Variants in TP53INP1 observed in about 807,000 individuals in gnomAD.
TP53INP1 encodes the protein tumor protein p53-inducible nuclear protein 1.
In TP53INP1, 12 loss-of-function variants were observed where a neutral mutation model predicts 21.0. That is an observed-to-expected ratio of 0.57 (90% CI 0.37 to 0.93). TP53INP1 has a LOEUF of 0.93. TP53INP1 is among the 40% of genes least tolerant of loss of function. The pLI is 0.01. For synonymous variants in TP53INP1, 91 were observed against 94.8 expected (o/e 0.96, Z 0.23); for missense variants, 274 against 294.7 (o/e 0.93, Z 0.51).
At chr8:94,937,704 G>A (rs1006619147) in intron 3 of TP53INP1, among the ~76,000 whole-genome samples, 5 of 152,134 alleles carry the variant, frequency 3.3e-5, no homozygotes, top group Admixed American at 2.0e-4. Flanking sequence ...AGTACTGGAA[G>A]CAGGGATGGT....
At chr8:94,938,295 G>C (rs1212827512) in intron 3 of TP53INP1, among the ~76,000 whole-genome samples, 1 of 152,200 alleles carries the variant, frequency 6.6e-6, no homozygotes, top group Non-Finnish European at 1.5e-5. Flanking sequence ...TTCTGGTGTT[G>C]TGCCAGTATT....
Position 94,932,244 on chromosome 8 carries a change from G to T in TP53INP1, c.474-1516C>A. 3 of 859,284 alleles carry T rather than the reference G, an allele frequency of 3.5e-6. No homozygotes were observed. The South Asian group carries it at 4.7e-5, about 14-fold the overall frequency. 53.2% of individuals were successfully genotyped at this position (859,284 alleles called of 1,614,324 possible). A position where few individuals can be genotyped will look rare whatever the true frequency, so the allele number is the denominator to read the frequency against. On this transcript the variant is annotated intron_variant, in intron 3 of 3. Transcript: ENST00000342697. Reference sequence around the variant, plus strand: ...ATTAAAGGCACGTACATGTGCTTAAGATAACATGTAAAACCTTCAAAAACA... The same window carrying T: ...ATTAAAGGCACGTACATGTGCTTAATATAACATGTAAAACCTTCAAAAACA...
Position 94,927,475 on chromosome 8 carries a change from A to G in TP53INP1, c.*3004T>C, listed in dbSNP as rs1289471560. 6.6e-6 allele frequency: 1 copy of G among 152,226 alleles called. No individual in the cohort carries two copies. Among genetic ancestry groups the G allele is most frequent in the African/African-American group, 2.4e-5 (1 of 41,454 alleles). The allele number at this position is 152,226 out of a possible 1,614,324, so 9.4% of individuals were successfully genotyped here. On this transcript the variant is annotated 3_prime_UTR_variant, in exon 4 of 4. Transcript: ENST00000342697. ...AACAGTTTGCATGGGGATTGGAAAAATGTATAGGAAATTAATATTTCTTAA... is the reference window on the plus strand; with the variant it reads ...AACAGTTTGCATGGGGATTGGAAAAGTGTATAGGAAATTAATATTTCTTAA...
At chr8:94,943,434 C>T (rs1821728907) in intron 1 of TP53INP1, among the ~76,000 whole-genome samples, 1 of 152,160 alleles carries the variant, frequency 6.6e-6, no homozygotes, top group African/African-American at 2.4e-5. Context: ...ATGCAGTAAG[C>T]TATGATTGTG....
rs1477196907 is a variant in TP53INP1 at position 94,927,246 on chromosome 8, T to C, written c.*3233A>G. ...GATACTCTTCCTTGCTCGTTTTTCT[T>C]AAGAGTACATAAAGATAATATATAA... On this transcript the variant is annotated 3_prime_UTR_variant, in exon 4 of 4. Coordinates refer to ENST00000342697, the MANE Select transcript of TP53INP1 (RefSeq NM_033285.4). 1 of 152,616 alleles carries C rather than the reference T, an allele frequency of 6.6e-6. No homozygotes were observed. Among genetic ancestry groups the C allele is most frequent in the East Asian group, 1.9e-4 (1 of 5,208 alleles). The allele number at this position is 152,616 out of a possible 1,614,324, so 9.5% of individuals were successfully genotyped here.
intron 1 of TP53INP1, among the ~76,000 whole-genome samples, chr8:94,941,991 G>T (rs1335100577): frequency 6.6e-6 from 1 of 151,314 alleles, no homozygotes; most frequent in East Asian, 1.9e-4. Context: ...GGAAGCAGCA[G>T]CAGCTGGCAG....
intron 1 of TP53INP1, among the ~76,000 whole-genome samples, chr8:94,946,115 T>C (rs1821964418): frequency 6.6e-6 from 1 of 152,156 alleles, no homozygotes. Flanking sequence ...TGTTTTTTTT[T>C]TTCTTCTACA....
rs182690940 is a variant in TP53INP1 at position 94,933,710 on chromosome 8, A to G, written c.474-2982T>C. Among the ~76,000 whole-genome samples, 428 of 151,878 alleles carry G rather than the reference A, an allele frequency of 2.8e-3. 4 individuals are homozygous for G. The highest frequency in any genetic ancestry group is 0.01 in the African/African-American group (414 of 41,378). ...AATCTGGGAGGCAGAGGTTGCAGTGAGCTGAGATCGCGCCACTGCACTCCA... is the reference window on the plus strand; with the variant it reads ...AATCTGGGAGGCAGAGGTTGCAGTGGGCTGAGATCGCGCCACTGCACTCCA... On this transcript the variant is annotated intron_variant, in intron 3 of 3. Transcript: ENST00000342697.
In TP53INP1 at chr8:94,944,579, C is replaced by A. The variant is rs1360691335; in HGVS notation, c.-150-3488G>T. 2.0e-5 allele frequency among the ~76,000 whole-genome samples: 3 copies of A among 152,206 alleles called. No individual in the cohort carries two copies. The East Asian group carries it at 5.8e-4, about 29-fold the overall frequency. ...CCATATCTCTGCAAGGACAACCAACCTTGGGCGACAGAGTGCTCAGAAGCC... is the reference window on the plus strand; with the variant it reads ...CCATATCTCTGCAAGGACAACCAACATTGGGCGACAGAGTGCTCAGAAGCC... On this transcript the variant is annotated intron_variant, in intron 1 of 3. Coordinates refer to ENST00000342697, the MANE Select transcript of TP53INP1 (RefSeq NM_033285.4).
rs944619518 is a variant in TP53INP1 at position 94,930,376 on chromosome 8, T to C, written c.*103A>G. On this transcript the variant is annotated 3_prime_UTR_variant, in exon 4 of 4. Coordinates refer to ENST00000342697, the MANE Select transcript of TP53INP1 (RefSeq NM_033285.4). ...TACACTGATAAAACTATGTGATTGG[T>C]TATCAATTGGTTGTAAAGAGACAAC... is the stretch of plus-strand genomic sequence containing the variant. 1 of 1,471,754 alleles carries C rather than the reference T, an allele frequency of 6.8e-7. No individual in the cohort carries two copies. Among genetic ancestry groups the C allele is most frequent in the Non-Finnish European group, 9.2e-7 (1 of 1,081,478 alleles). The allele number at this position is 1,471,754 out of a possible 1,614,324, so 91.2% of individuals were successfully genotyped here.
In TP53INP1 at chr8:94,940,893, A is replaced by G; in HGVS notation, c.49T>C (p.Ser17Pro). ...KMFVGEVSSS[S>P]NQEPEFNEKE... is the part of the protein sequence containing the mutation. ...TCATTGAATTCTGGTTCTTGGTTGG[A>G]GGAAGAACTGACTTCACCCACAAAC... Residue 17 changes from serine to proline, a missense_variant, in exon 2 of 4, where the codon TCC becomes CCC. Transcript: ENST00000342697. The G allele has an allele frequency of 1.2e-6, 2 of 1,613,906 alleles. No homozygotes were observed. The highest frequency in any genetic ancestry group is 1.7e-6 in the Non-Finnish European group (2 of 1,179,936).
rs970092510 is a variant in TP53INP1, at chr8:94,926,438, C to CAT, written c.*4040_*4041insAT. 1.4e-5 allele frequency: 2 copies of CAT among 142,918 alleles called. No individual in the cohort carries two copies. The highest frequency in any genetic ancestry group is 5.2e-5 in the African/African-American group (2 of 38,766). 8.9% of individuals were successfully genotyped at this position (142,918 alleles called of 1,614,324 possible). A position where few individuals can be genotyped will look rare whatever the true frequency, so the allele number is the denominator to read the frequency against. On this transcript the variant is annotated 3_prime_UTR_variant, in exon 4 of 4. Coordinates refer to ENST00000342697, the MANE Select transcript of TP53INP1 (RefSeq NM_033285.4). Reference sequence around the variant, plus strand: ...GCCACTTAAAAAAAAAAAAAACACACGCAATTATTAAAGTTCAAAATCTCT... The same window carrying CAT: ...GCCACTTAAAAAAAAAAAAAACACACATGCAATTATTAAAGTTCAAAATCTCT...
At chr8:94,938,297 G>A (rs772413835) in intron 3 of TP53INP1, among the ~76,000 whole-genome samples, 8 of 152,220 alleles carry the variant, frequency 5.3e-5, no homozygotes, top group African/African-American at 1.2e-4. Flanking sequence ...CTGGTGTTGT[G>A]CCAGTATTTT....
rs1057246498 is a variant in TP53INP1, at chr8:94,928,931, G to T, written c.*1548C>A. On this transcript the variant is annotated 3_prime_UTR_variant, in exon 4 of 4. Transcript: ENST00000342697. ...ATGGAAAAACAAGCTGTTTGATTAT[G>T]AAGGCAACACTTCTGTCAGTAGAAT... 1 of 152,634 alleles carries T rather than the reference G, an allele frequency of 6.6e-6. No individual in the cohort carries two copies. The highest frequency in any genetic ancestry group is 2.4e-5 in the African/African-American group (1 of 41,438). 9.5% of individuals were successfully genotyped at this position (152,634 alleles called of 1,614,324 possible).
At chr8:94,941,260 G>T (rs1020650109) in intron 1 of TP53INP1, among the ~76,000 whole-genome samples, 169 bp from the exon 2 acceptor site, 1 of 152,058 alleles carries the variant, frequency 6.6e-6, no homozygotes, top group Non-Finnish European at 1.5e-5. Flanking sequence ...ATAATGTTTT[G>T]TAAATACTCT....
In TP53INP1 at chr8:94,929,737, C is replaced by G. The variant is rs1410355442; in HGVS notation, c.*742G>C. 6.6e-6 allele frequency: 1 copy of G among 152,118 alleles called. No homozygotes were observed. The highest frequency in any genetic ancestry group is 1.5e-5 in the Non-Finnish European group (1 of 68,026). 9.4% of individuals were successfully genotyped at this position (152,118 alleles called of 1,614,324 possible). ...GGTTAGTTACAGACATGAATTTTTC[C>G]AAATATAATCTCACAGGTCTAATTT... is the stretch of plus-strand genomic sequence containing the variant. On this transcript the variant is annotated 3_prime_UTR_variant, in exon 4 of 4. Transcript: ENST00000342697.
At chr8:94,941,819 C>T (rs1435888172) in intron 1 of TP53INP1, among the ~76,000 whole-genome samples, 1 of 152,202 alleles carries the variant, frequency 6.6e-6, no homozygotes, top group Non-Finnish European at 1.5e-5. Flanking sequence ...TTAGGGAGTT[C>T]TGGTGAGTTC....
intron 3 of TP53INP1, among the ~76,000 whole-genome samples, chr8:94,931,146 A>G (rs1178509410): frequency 1.3e-5 from 2 of 152,180 alleles, no homozygotes; most frequent in African/African-American, 4.8e-5. Flanking sequence ...TAATTCCCAA[A>G]TTTTACTGAT....
intron 3 of TP53INP1, among the ~76,000 whole-genome samples, chr8:94,933,615 A>G (rs749115610): frequency 2.1e-4 from 32 of 152,144 alleles, no homozygotes; most frequent in Non-Finnish European, 1.2e-4. Context: ...AAACACAACA[A>G]TTAGCCAGGT....
Sources: allele counts gnomAD v4.1 joint callset (sites outside exome capture counted in the v4.1 genomes callset), GRCh38; gene constraint gnomAD v4.1.1; transcripts MANE v1.5; gene names NCBI Gene and HGNC (gene_info 2026-07-23, HGNC 2026-07-21).